PTPN14: variants seen among roughly 807,000 people sequenced by gnomAD.
The protein encoded by PTPN14 is protein tyrosine phosphatase non-receptor type 14.
PTPN14 carries 53 observed loss-of-function variants against 126.8 expected under a neutral mutation model. That is an observed-to-expected ratio of 0.42 (90% CI 0.34 to 0.53). PTPN14 has a LOEUF of 0.53. PTPN14 is among the 20% of genes least tolerant of loss of function. PTPN14 has a pLI of 0.08. For missense variants in PTPN14, 1,257 were observed against 1,552.9 expected (o/e 0.81, Z 3.20); for synonymous variants, 630 against 599.3 (o/e 1.05, Z -0.75).
chr1:214,499,467 A>G (rs1226106948), intron 1 of PTPN14, among the ~76,000 whole-genome samples: 1 of 152,192 alleles, frequency 6.6e-6, no homozygotes, highest in African/African-American at 2.4e-5. Flanking sequence ...TGGAAGGTGG[A>G]CCAGGAGGCT....
intron 7 of PTPN14, among the ~76,000 whole-genome samples, chr1:214,400,791 T>TA (rs1658996722): frequency 1.3e-5 from 2 of 152,172 alleles, no homozygotes. Flanking sequence ...TAAACAAATC[T>TA]AAAAAAGAGC....
rs59698035 is a variant in PTPN14, at chr1:214,517,487, TA to T, written c.-155+33695del. Among the ~76,000 whole-genome samples, 995 of 138,302 alleles carry T rather than the reference TA, an allele frequency of 7.2e-3. 12 individuals carry two copies. Among genetic ancestry groups the T allele is most frequent in the African/African-American group, 0.018 (704 of 38,204 alleles). 90.7% of individuals were successfully genotyped at this position (138,302 alleles called of 152,430 possible). A position where few individuals can be genotyped will look rare whatever the true frequency, so the allele number is the denominator to read the frequency against. ...TCACCAAATTTAATGAGCATAATAT[TA>T]AAAAAAAAAAAAACATAAAGTAAGA... On this transcript the variant is annotated intron_variant, in intron 1 of 18. Transcript: ENST00000366956.
chr1:214,507,958 C>T (rs910319444), intron 1 of PTPN14, among the ~76,000 whole-genome samples: 1 of 151,828 alleles, frequency 6.6e-6, no homozygotes, highest in African/African-American at 2.4e-5. Flanking sequence ...AGTCACAGCA[C>T]ACCAGCCTGC....
chr1:214,410,864 T>C (rs892436037), intron 5 of PTPN14, among the ~76,000 whole-genome samples: 9 of 152,190 alleles, frequency 5.9e-5, no homozygotes, highest in African/African-American at 2.2e-4. Context: ...AGCTTTGATA[T>C]ACAGTTTGAA....
chr1:214,480,643 T>C (rs1336911339), intron 1 of PTPN14, among the ~76,000 whole-genome samples: 3 of 152,218 alleles, frequency 2.0e-5, no homozygotes, highest in Non-Finnish European at 2.9e-5. Context: ...TACAGTGCCA[T>C]GTCACAGCAC....
chr1:214,371,432 C>T (rs1476722430), intron 16 of PTPN14, among the ~76,000 whole-genome samples: 1 of 152,154 alleles, frequency 6.6e-6, no homozygotes, highest in Non-Finnish European at 1.5e-5. Context: ...GAAACCCACA[C>T]AAAGAGGAGG....
chr1:214,535,252 A>C (rs1655674047), intron 1 of PTPN14, among the ~76,000 whole-genome samples: 2 of 152,152 alleles, frequency 1.3e-5, no homozygotes, highest in South Asian at 4.1e-4. Flanking sequence ...CTCTTTATAA[A>C]TATATTTTTC....
intron 1 of PTPN14, among the ~76,000 whole-genome samples, chr1:214,516,704 AAAGGC>A (rs1213317810): frequency 3.3e-5 from 5 of 152,290 alleles, no homozygotes; most frequent in African/African-American, 9.6e-5. Context: ...AAGGAAATAG[AAAGGC>A]AATGTTTGTT....
At chr1:214,492,676 G>A (rs2102419889) in intron 1 of PTPN14, among the ~76,000 whole-genome samples, 1 of 152,306 alleles carries the variant, frequency 6.6e-6, no homozygotes, top group East Asian at 1.9e-4. Flanking sequence ...GGGAGGCCAT[G>A]GCAGGTGGAT....
At chr1:214,411,896 T>C (rs1033467635) in intron 4 of PTPN14, 145 bp from the exon 5 acceptor site, 4 of 492,088 alleles carry the variant, frequency 8.1e-6, no homozygotes, top group African/African-American at 4.1e-5. Context: ...CAAGATATGT[T>C]TGACATAGTT....
Position 214,372,612 on chromosome 1 carries a change from G to C in PTPN14, c.3036+99C>G, listed in dbSNP as rs945979719. ...GCATGTGCAGAGAAACAGCACTGCAGGAAGAAGGATAGGGTAGCAAAGTTG... is the reference window on the plus strand; with the variant it reads ...GCATGTGCAGAGAAACAGCACTGCACGAAGAAGGATAGGGTAGCAAAGTTG... On this transcript the variant is annotated intron_variant, in intron 16 of 18. Transcript: ENST00000366956. 15 of 1,549,706 alleles carry C rather than the reference G, an allele frequency of 9.7e-6. No individual in the cohort carries two copies. The South Asian group carries it at 1.7e-4, about 17-fold the overall frequency.
chr1:214,379,150 C>T (rs1229017421), intron 13 of PTPN14, among the ~76,000 whole-genome samples: 1 of 152,172 alleles, frequency 6.6e-6, no homozygotes, highest in Non-Finnish European at 1.5e-5. Flanking sequence ...CTCATAGAAG[C>T]AGATGAGTTT....
intron 2 of PTPN14, among the ~76,000 whole-genome samples, chr1:214,462,233 C>T (rs1558113602): frequency 6.6e-6 from 1 of 152,170 alleles, no homozygotes; most frequent in Non-Finnish European, 1.5e-5. Context: ...CACACTACGG[C>T]ACACACTTGG....
intron 3 of PTPN14, among the ~76,000 whole-genome samples, chr1:214,448,673 C>T (rs1211160156): frequency 6.6e-6 from 1 of 152,132 alleles, no homozygotes; most frequent in East Asian, 1.9e-4. Flanking sequence ...ATACAGCAGG[C>T]CCTGGTCTTT....
intron 1 of PTPN14, among the ~76,000 whole-genome samples, chr1:214,466,570 C>G (rs6668440): frequency 0.72 from 109,267 of 152,096 alleles, 40,406 homozygotes; most frequent in Non-Finnish European, 0.8. Context: ...TTGCTCCACC[C>G]TGAGCCAGCA....
At position 214,551,165 on chromosome 1, in the gene PTPN14, G is replaced by A. The variant is rs1387170482; in HGVS notation, c.-155+18C>T. ...GCCTCCAACCTCGGGCCCAACTCCC[G>A]GCTTGGACGGGGCTTACCTGCTTAC... is the stretch of plus-strand genomic sequence containing the variant. On this transcript the variant is annotated intron_variant, in intron 1 of 18. Coordinates refer to ENST00000366956, the MANE Select transcript of PTPN14 (RefSeq NM_005401.5). The A allele has an allele frequency of 6.6e-6, 1 of 152,316 alleles. No homozygotes were observed. Among genetic ancestry groups the A allele is most frequent in the African/African-American group, 2.4e-5 (1 of 41,478 alleles). 9.4% of individuals were successfully genotyped at this position (152,316 alleles called of 1,614,324 possible).
intron 18 of PTPN14, among the ~76,000 whole-genome samples, chr1:214,359,802 T>G (rs1309115439): frequency 6.6e-6 from 1 of 152,246 alleles, no homozygotes; most frequent in Non-Finnish European, 1.5e-5. Context: ...ATTATGGGCA[T>G]GAGCCACTGT....
At chr1:214,421,107 T>C (rs189060560) in intron 3 of PTPN14, among the ~76,000 whole-genome samples, 2 of 152,328 alleles carry the variant, frequency 1.3e-5, no homozygotes, top group African/African-American at 4.8e-5. Context: ...GATACATGAA[T>C]GGCAATGTTA....
intron 1 of PTPN14, among the ~76,000 whole-genome samples, chr1:214,476,203 G>A (rs1186569602): frequency 6.6e-6 from 1 of 152,196 alleles, no homozygotes; most frequent in Non-Finnish European, 1.5e-5. Flanking sequence ...GTACCACTGT[G>A]TTGTGGAATG....
Sources: allele counts gnomAD v4.1 joint callset (sites outside exome capture counted in the v4.1 genomes callset), GRCh38; gene constraint gnomAD v4.1.1; transcripts MANE v1.5; gene names NCBI Gene and HGNC (gene_info 2026-07-23, HGNC 2026-07-21).